NOVA2: variants seen among roughly 807,000 people sequenced by gnomAD.
NOVA2 encodes the protein NOVA alternative splicing regulator 2.
NOVA2 carries 9 observed loss-of-function variants against 22.5 expected under a neutral mutation model. The ratio of observed to expected loss-of-function variants is 0.40; its 90% CI spans 0.24 to 0.70. The LOEUF is 0.70. NOVA2 is among the 30% of genes least tolerant of loss of function. The pLI is 0.38. For missense variants in NOVA2, 383 were observed against 682.8 expected (o/e 0.56, Z 4.89); for synonymous variants, 318 against 335.2 (o/e 0.95, Z 0.56).
intron 3 of NOVA2, among the ~76,000 whole-genome samples, chr19:45,946,871 C>CT (rs1244755610): frequency 1.1e-5 from 1 of 90,452 alleles, no homozygotes; most frequent in East Asian, 2.8e-4. Context: ...AAGACTCCGT[C>CT]TAAAAAAAAA....
In NOVA2 at chr19:45,937,813, C is replaced by T. The variant is rs576325256; in HGVS notation, c.*2050G>A. On this transcript the variant is annotated 3_prime_UTR_variant, in exon 4 of 4. Coordinates refer to ENST00000263257, the MANE Select transcript of NOVA2 (RefSeq NM_002516.4). ...GTGGGAAATTCAGTGCAAGGTACCT[C>T]GAAGGCTATTGCTTTCTAGGGATTT... 1 of 152,094 alleles carries T rather than the reference C, an allele frequency of 6.6e-6. No homozygotes were observed. Among genetic ancestry groups the T allele is most frequent in the Non-Finnish European group, 1.5e-5 (1 of 68,040 alleles). 9.4% of individuals were successfully genotyped at this position (152,094 alleles called of 1,614,324 possible). A position where few individuals can be genotyped will look rare whatever the true frequency, so the allele number is the denominator to read the frequency against.
rs1353351901 is a variant in NOVA2, at chr19:45,934,777, G to C, written c.*5086C>G. ...ACGCCCCTGGACCCGCCTTTTAAAG[G>C]GACAAAGCCAAATAGCATAGATATT... On this transcript the variant is annotated 3_prime_UTR_variant, in exon 4 of 4. Coordinates refer to ENST00000263257, the MANE Select transcript of NOVA2 (RefSeq NM_002516.4). The C allele has an allele frequency of 6.6e-6, 1 of 151,600 alleles. No homozygotes were observed. Among genetic ancestry groups the C allele is most frequent in the East Asian group, 1.9e-4 (1 of 5,140 alleles). 9.4% of individuals were successfully genotyped at this position (151,600 alleles called of 1,614,324 possible).
At chr19:45,947,470 G>GTT (rs5828256) in intron 3 of NOVA2, among the ~76,000 whole-genome samples, 294 of 147,136 alleles carry the variant, frequency 2.0e-3, no homozygotes, top group Middle Eastern at 3.5e-3. Flanking sequence ...AAGCACCCTA[G>GTT]TTTTTTTTTT....
intron 2 of NOVA2, among the ~76,000 whole-genome samples, chr19:45,960,157 C>T (rs1968074052): frequency 6.6e-6 from 1 of 151,420 alleles, no homozygotes. Context: ...GAAGAAAAAA[C>T]CAGGAGGGAG....
intron 3 of NOVA2, among the ~76,000 whole-genome samples, chr19:45,951,528 G>A (rs746162260): frequency 1.1e-4 from 16 of 151,586 alleles, no homozygotes; most frequent in Non-Finnish European, 1.8e-4. Flanking sequence ...CAAGGCAGGA[G>A]AATCACTTGA....
At chr19:45,947,577 G>A (rs1206738458) in intron 3 of NOVA2, among the ~76,000 whole-genome samples, 1 of 151,480 alleles carries the variant, frequency 6.6e-6, no homozygotes, top group Non-Finnish European at 1.5e-5. Flanking sequence ...AGTTTCAAGC[G>A]ATTCTCCTGC....
intron 3 of NOVA2, among the ~76,000 whole-genome samples, chr19:45,949,340 A>AAC (rs1967889044): frequency 2.8e-5 from 3 of 107,958 alleles, no homozygotes; most frequent in African/African-American, 9.8e-5. Flanking sequence ...AAAAAAAAAA[A>AAC]CACCAGGAAA....
Position 45,934,464 on chromosome 19 carries a change from G to A in NOVA2, c.*5399C>T. 1 of 152,336 alleles carries A rather than the reference G, an allele frequency of 6.6e-6. No homozygotes were observed. 9.4% of individuals were successfully genotyped at this position (152,336 alleles called of 1,614,324 possible). On this transcript the variant is annotated 3_prime_UTR_variant, in exon 4 of 4. Transcript: ENST00000263257. ...CTTTCCACACCTCTCCCACCACCCT[G>A]CCGGGGAATCTATGCACCCCATCCC...
intron 3 of NOVA2, 133 bp downstream of exon 3, chr19:45,953,647 C>T (rs968864302): frequency 9.4e-7 from 1 of 1,064,950 alleles, no homozygotes; most frequent in Non-Finnish European, 1.4e-6. Context: ...TAACCACTAC[C>T]ATGTGGTCTT....
At chr19:45,968,913 C>T (rs1247954155) in intron 1 of NOVA2, among the ~76,000 whole-genome samples, 1 of 152,242 alleles carries the variant, frequency 6.6e-6, no homozygotes, top group Admixed American at 6.5e-5. Context: ...AATCCCAGCA[C>T]TTTAGGAGGC....
chr19:45,943,828 T>C (rs1967797994), intron 3 of NOVA2, among the ~76,000 whole-genome samples: 1 of 151,764 alleles, frequency 6.6e-6, no homozygotes, highest in African/African-American at 2.4e-5. Flanking sequence ...ATCTCTGAGC[T>C]CAGAGCCCAA....
chr19:45,948,312 A>G (rs1967870835), intron 3 of NOVA2, among the ~76,000 whole-genome samples: 1 of 152,072 alleles, frequency 6.6e-6, no homozygotes, highest in South Asian at 2.1e-4. Flanking sequence ...AGAAATGATT[A>G]TTGTCAGCCG....
chr19:45,953,558 T>A (rs1282620374), intron 3 of NOVA2, among the ~76,000 whole-genome samples: 1 of 152,130 alleles, frequency 6.6e-6, no homozygotes, highest in Non-Finnish European at 1.5e-5. Context: ...AGACCTTCAC[T>A]CCCTCTCTGA....
At position 45,934,054 on chromosome 19, in the gene NOVA2, G is replaced by A. The variant is rs1387806803; in HGVS notation, c.*5809C>T. 1 of 152,494 alleles carries A rather than the reference G, an allele frequency of 6.6e-6. No homozygotes were observed. Among genetic ancestry groups the A allele is most frequent in the East Asian group, 1.9e-4 (1 of 5,186 alleles). 9.4% of individuals were successfully genotyped at this position (152,494 alleles called of 1,614,324 possible). Reference sequence around the variant, plus strand: ...GGTTGAATGGAGGCACTGGAGGCATGGCCACATTCCAAGAAATGGAATGAA... The same window carrying A: ...GGTTGAATGGAGGCACTGGAGGCATAGCCACATTCCAAGAAATGGAATGAA... On this transcript the variant is annotated 3_prime_UTR_variant, in exon 4 of 4. Coordinates refer to ENST00000263257, the MANE Select transcript of NOVA2 (RefSeq NM_002516.4).
At chr19:45,969,480 C>A (rs1373779542) in intron 1 of NOVA2, among the ~76,000 whole-genome samples, 3 of 129,002 alleles carry the variant, frequency 2.3e-5, no homozygotes, top group Non-Finnish European at 4.7e-5. Flanking sequence ...ACACTCCAAG[C>A]CTGGGTGACA....
At position 45,936,505 on chromosome 19, in the gene NOVA2, C is replaced by T. The variant is rs979265570; in HGVS notation, c.*3358G>A. 4 of 151,842 alleles carry T rather than the reference C, an allele frequency of 2.6e-5. No individual in the cohort carries two copies. Among genetic ancestry groups the T allele is most frequent in the Admixed American group, 2.0e-4 (3 of 15,232 alleles). 9.4% of individuals were successfully genotyped at this position (151,842 alleles called of 1,614,324 possible). Reference sequence around the variant, plus strand: ...TCAAAGAGAAATGGTCCCATTTCCTCCCCTCTATCCAAGGTCCTCTCCCCC... The same window carrying T: ...TCAAAGAGAAATGGTCCCATTTCCTTCCCTCTATCCAAGGTCCTCTCCCCC... On this transcript the variant is annotated 3_prime_UTR_variant, in exon 4 of 4. Coordinates refer to ENST00000263257, the MANE Select transcript of NOVA2 (RefSeq NM_002516.4).
Position 45,939,798 on chromosome 19 carries a change from G to T in NOVA2, c.*65C>A. The T allele has an allele frequency of 1.3e-6, 2 of 1,586,738 alleles. No individual in the cohort carries two copies. On this transcript the variant is annotated 3_prime_UTR_variant, in exon 4 of 4. Coordinates refer to ENST00000263257, the MANE Select transcript of NOVA2 (RefSeq NM_002516.4). ...CCAAGCTGAGGTCAGGAGTTGGGGG[G>T]GAGGAGGAGAGGGAAGAGGAGGAGA...
intron 3 of NOVA2, among the ~76,000 whole-genome samples, chr19:45,952,611 T>C (rs534152396): frequency 3.9e-5 from 6 of 152,330 alleles, no homozygotes; most frequent in South Asian, 2.1e-4. Context: ...CCTGAGTCCC[T>C]TGTGGCCACG....
At chr19:45,971,380 A>T (rs972625489) in intron 1 of NOVA2, among the ~76,000 whole-genome samples, 3 of 151,954 alleles carry the variant, frequency 2.0e-5, no homozygotes, top group Non-Finnish European at 4.4e-5. Flanking sequence ...CCTCTCCAGG[A>T]CTGGGAACAG....
Sources: allele counts gnomAD v4.1 joint callset (sites outside exome capture counted in the v4.1 genomes callset), GRCh38; gene constraint gnomAD v4.1.1; transcripts MANE v1.5; gene names NCBI Gene and HGNC (gene_info 2026-07-23, HGNC 2026-07-21).